KITLG: variants seen among roughly 807,000 people sequenced by gnomAD.
KITLG encodes the protein KIT ligand.
In KITLG, 13 loss-of-function variants were observed where a neutral mutation model predicts 34.1. That is an observed-to-expected ratio of 0.38 (90% CI 0.25 to 0.61). KITLG has a LOEUF of 0.61. KITLG is among the 20% of genes least tolerant of loss of function. The probability of loss-of-function intolerance (pLI) is 0.60; values close to 1 mark genes in which losing one functional copy is unlikely to be tolerated. For synonymous variants in KITLG, 110 were observed against 104.0 expected, an observed-to-expected ratio of 1.06 and a Z score of -0.35; for missense variants, 292 against 318.9, an observed-to-expected ratio of 0.92 and a Z score of 0.64.
chr12:88,533,997 A>G (rs1407118609), intron 2 of KITLG, among the ~76,000 whole-genome samples: 2 of 152,176 alleles, frequency 1.3e-5, no homozygotes, highest in African/African-American at 4.8e-5. Context: ...CTAAGTTCAC[A>G]TAATCATAAA....
Position 88,516,517 on chromosome 12 carries a change from T to C in KITLG, c.364-27A>G, listed in dbSNP as rs762659621. On this transcript the variant is annotated intron_variant, in intron 4 of 9. Transcript: ENST00000644744. ...TAGAAGAAAAAATAGGATTACATTTTTCAAATAGTCTTCAGACTTAACTGA... is the reference window on the plus strand; with the variant it reads ...TAGAAGAAAAAATAGGATTACATTTCTCAAATAGTCTTCAGACTTAACTGA... 3.9e-6 allele frequency: 6 copies of C among 1,522,796 alleles called. No homozygotes were observed. The Admixed American group carries it at 5.2e-5, about 13-fold the overall frequency. 94.3% of individuals were successfully genotyped at this position (1,522,796 alleles called of 1,614,324 possible).
chr12:88,496,206 A>T lies in KITLG; in HGVS notation c.*1013T>A, dbSNP rs567878288. On this transcript the variant is annotated 3_prime_UTR_variant, in exon 10 of 10. Coordinates refer to ENST00000644744, the MANE Select transcript of KITLG (RefSeq NM_000899.5). ...CCTAGTTTTCAACACCCATATTAGC[A>T]TGTGGGCGTGGTTTTCTAACCTTAG... The T allele has an allele frequency of 3.3e-5, 5 of 152,248 alleles. No individual in the cohort carries two copies. The highest frequency in any genetic ancestry group is 6.6e-5 in the Admixed American group (1 of 15,258). The allele number at this position is 152,248 out of a possible 1,614,324, so 9.4% of individuals were successfully genotyped here. A position where few individuals can be genotyped will look rare whatever the true frequency, so the allele number is the denominator to read the frequency against.
At chr12:88,498,060 T>A (rs1868708700) in intron 9 of KITLG, among the ~76,000 whole-genome samples, 1 of 152,210 alleles carries the variant, frequency 6.6e-6, no homozygotes, top group African/African-American at 2.4e-5. Context: ...TTTCAGATGT[T>A]TCAACTTTCC....
intron 2 of KITLG, among the ~76,000 whole-genome samples, chr12:88,541,668 T>C (rs1236215429): frequency 1.3e-5 from 2 of 152,200 alleles, no homozygotes; most frequent in African/African-American, 4.8e-5. Flanking sequence ...GAGTTTGCCA[T>C]TTAAAACAAA....
At chr12:88,565,680 GTACTAA>G (rs1318043241) in intron 1 of KITLG, among the ~76,000 whole-genome samples, 4 of 152,096 alleles carry the variant, frequency 2.6e-5, no homozygotes, top group African/African-American at 9.7e-5. Flanking sequence ...AATGTCAACA[GTACTAA>G]TACTAAGCAA....
At chr12:88,546,284 T>C (rs1039166349) in intron 1 of KITLG, among the ~76,000 whole-genome samples, 2 of 152,218 alleles carry the variant, frequency 1.3e-5, no homozygotes, top group Admixed American at 1.3e-4. Context: ...GCATAATCCC[T>C]GAGCAGTGCT....
intron 1 of KITLG, among the ~76,000 whole-genome samples, chr12:88,557,963 T>C (rs1375314429): frequency 6.6e-6 from 1 of 152,172 alleles, no homozygotes; most frequent in Non-Finnish European, 1.5e-5. Context: ...TTATACTCTT[T>C]CAAATACGTG....
intron 6 of KITLG, among the ~76,000 whole-genome samples, chr12:88,513,722 T>C (rs559681482): frequency 6.6e-6 from 1 of 151,588 alleles, no homozygotes; most frequent in Non-Finnish European, 1.5e-5. Flanking sequence ...GATCTAACAA[T>C]AATCAATGTA....
intron 1 of KITLG, among the ~76,000 whole-genome samples, chr12:88,551,729 C>A (rs1870922449): frequency 6.6e-6 from 1 of 152,154 alleles, no homozygotes; most frequent in Non-Finnish European, 1.5e-5. Context: ...CATATGGGAG[C>A]TTACAGCAGG....
rs1479765082 is a variant in KITLG, at chr12:88,496,453, T to C, written c.*766A>G. On this transcript the variant is annotated 3_prime_UTR_variant, in exon 10 of 10. Coordinates refer to ENST00000644744, the MANE Select transcript of KITLG (RefSeq NM_000899.5). ...GATGCCAATGTCCTTCTTGGCAGACTGTTCTGATGTTCAGTGTTCTTAACT... is the reference window on the plus strand; with the variant it reads ...GATGCCAATGTCCTTCTTGGCAGACCGTTCTGATGTTCAGTGTTCTTAACT... The C allele has an allele frequency of 1.3e-5, 2 of 152,246 alleles. No individual in the cohort carries two copies. Among genetic ancestry groups the C allele is most frequent in the African/African-American group, 4.8e-5 (2 of 41,472 alleles). The allele number at this position is 152,246 out of a possible 1,614,324, so 9.4% of individuals were successfully genotyped here. A position where few individuals can be genotyped will look rare whatever the true frequency, so the allele number is the denominator to read the frequency against.
Position 88,495,147 on chromosome 12 carries a change from A to G in KITLG, c.*2072T>C, listed in dbSNP as rs1324249546. 2 of 152,010 alleles carry G rather than the reference A, an allele frequency of 1.3e-5. No individual in the cohort carries two copies. The highest frequency in any genetic ancestry group is 4.8e-5 in the African/African-American group (2 of 41,422). 9.4% of individuals were successfully genotyped at this position (152,010 alleles called of 1,614,324 possible). A position where few individuals can be genotyped will look rare whatever the true frequency, so the allele number is the denominator to read the frequency against. On this transcript the variant is annotated 3_prime_UTR_variant, in exon 10 of 10. Coordinates refer to ENST00000644744, the MANE Select transcript of KITLG (RefSeq NM_000899.5). ...TCCATTGATTAAGACCATGTCCATG[A>G]GTGTTAAAACCCAGCTACTAGGTTT...
chr12:88,574,161 C>T (rs901440949), intron 1 of KITLG, among the ~76,000 whole-genome samples: 1 of 150,880 alleles, frequency 6.6e-6, no homozygotes, highest in Non-Finnish European at 1.5e-5. Context: ...TAGAGAAGAA[C>T]ATTATCTTCA....
intron 1 of KITLG, among the ~76,000 whole-genome samples, chr12:88,550,448 C>A (rs777653548): frequency 6.6e-6 from 1 of 152,076 alleles, no homozygotes; most frequent in Non-Finnish European, 1.5e-5. Flanking sequence ...TAGTTCAATG[C>A]TATCAGGCAG....
intron 1 of KITLG, among the ~76,000 whole-genome samples, chr12:88,558,463 T>C (rs1871175587): frequency 6.6e-6 from 1 of 152,162 alleles, no homozygotes; most frequent in African/African-American, 2.4e-5. Context: ...ATCTTGATCG[T>C]TTTCTCTGTC....
rs761505103 is a variant in KITLG at position 88,580,300 on chromosome 12, C to A, written c.-22G>T. 1 of 1,611,088 alleles carries A rather than the reference C, an allele frequency of 6.2e-7. No individual in the cohort carries two copies. The highest frequency in any genetic ancestry group is 2.2e-5 in the East Asian group (1 of 44,816). ...TCATAAGGAAAGGCAGCGCTGCGAT[C>A]CAGCACAAACAGTGGTGTGGCGACT... On this transcript the variant is annotated 5_prime_UTR_variant, in exon 1 of 10. Coordinates refer to ENST00000644744, the MANE Select transcript of KITLG (RefSeq NM_000899.5).
intron 1 of KITLG, 53 bp downstream of exon 1, chr12:88,580,211 C>T (rs1480631900): frequency 2.5e-6 from 4 of 1,576,614 alleles, no homozygotes; most frequent in Non-Finnish European, 2.6e-6. Context: ...CCCGGGGCAC[C>T]GGGCGCGATT....
At chr12:88,504,206 T>C (rs1166734196) in intron 9 of KITLG, among the ~76,000 whole-genome samples, 1 of 152,148 alleles carries the variant, frequency 6.6e-6, no homozygotes, top group African/African-American at 2.4e-5. Context: ...GAATTAGATA[T>C]GCACATTTCA....
chr12:88,520,709 T>C (rs1004742265), intron 3 of KITLG, among the ~76,000 whole-genome samples: 3 of 152,136 alleles, frequency 2.0e-5, no homozygotes, highest in Admixed American at 6.6e-5. Context: ...GTAGAAAATG[T>C]TTTGTTGATT....
chr12:88,522,389 T>C (rs937983815), intron 3 of KITLG, among the ~76,000 whole-genome samples: 1 of 151,726 alleles, frequency 6.6e-6, no homozygotes, highest in Admixed American at 6.6e-5. Flanking sequence ...GTGAAATAAT[T>C]TGACACATTA....
Sources: gnomAD v4.1 joint callset for allele counts (sites outside exome capture counted in the v4.1 genomes callset) on GRCh38, gnomAD v4.1.1 for gene constraint, MANE v1.5 for transcripts, NCBI Gene and HGNC (gene_info 2026-07-23, HGNC 2026-07-21) for gene names.